The following CXADR variants were observed in gnomAD, a reference collection of about 807,000 sequenced individuals.
CXADR encodes coxsackievirus and adenovirus receptor.
Under a neutral mutation model 40.3 loss-of-function variants are expected in CXADR, and 20 were observed. The observed-to-expected ratio is 0.50, with a 90% confidence interval of 0.35 to 0.72. The LOEUF is 0.72. Among genes scored for constraint, CXADR ranks in the 30% least tolerant of loss-of-function variants. The pLI, the probability that CXADR is intolerant of heterozygous loss-of-function variation, is 0.01. For missense variants in CXADR, 332 were observed against 449.1 expected (o/e 0.74, Z 2.36); for synonymous variants, 150 against 161.3 (o/e 0.93, Z 0.53).
chr21:17,592,700 C>CT (rs1429908557), intron 7 of CXADR, among the ~76,000 whole-genome samples: 3 of 151,348 alleles, frequency 2.0e-5, no homozygotes, highest in Non-Finnish European at 4.4e-5. Context: ...CCTTGTGACA[C>CT]TAATAAACAA....
downstream of CXADR, chr21:17,594,339 G>A (rs755502179): frequency 1.2e-6 from 2 of 1,610,226 alleles, no homozygotes; most frequent in Non-Finnish European, 8.5e-7. Context: ...AAATCTGTAG[G>A]GAAGAGAACA....
chr21:17,629,485 A>G, the CXADR span, among the ~76,000 whole-genome samples: 1 of 152,032 alleles, frequency 6.6e-6, no homozygotes, highest in Non-Finnish European at 1.5e-5. Context: ...GGATTACCTG[A>G]GTCCAGGAGG....
intron 1 of CXADR, among the ~76,000 whole-genome samples, chr21:17,525,797 A>T (rs528958824): frequency 3.9e-5 from 6 of 152,332 alleles, no homozygotes; most frequent in African/African-American, 1.4e-4. Flanking sequence ...GATAGAAAGG[A>T]CACATCATAT....
intron 1 of CXADR, among the ~76,000 whole-genome samples, chr21:17,539,440 C>T (rs1027288834): frequency 2.0e-5 from 3 of 152,176 alleles, no homozygotes; most frequent in Non-Finnish European, 4.4e-5. Context: ...TTTCTTGTCT[C>T]ATATCCTCAT....
At chr21:17,549,420 C>A (rs2824346) in intron 2 of CXADR, among the ~76,000 whole-genome samples, 7,827 of 152,246 alleles carry the variant, frequency 0.051, 653 homozygotes, top group African/African-American at 0.18. Flanking sequence ...TGTATTCACA[C>A]GCATTCTGTA....
intron 7 of CXADR, among the ~76,000 whole-genome samples, chr21:17,583,610 C>T (rs201991638): frequency 0.012 from 4 of 344 alleles, no homozygotes; most frequent in Non-Finnish European, 0.02. Flanking sequence ...GACACACACT[C>T]GAAATCCACT....
chr21:17,514,396 A>G (rs1214475625), intron 1 of CXADR, among the ~76,000 whole-genome samples: 1 of 152,028 alleles, frequency 6.6e-6, no homozygotes, highest in African/African-American at 2.4e-5. Flanking sequence ...CCTTTTTGAT[A>G]TATATCATTT....
intron 1 of CXADR, among the ~76,000 whole-genome samples, chr21:17,546,735 T>C (rs1476223806): frequency 6.6e-6 from 1 of 152,212 alleles, no homozygotes; most frequent in Non-Finnish European, 1.5e-5. Flanking sequence ...GTTTTAAACA[T>C]CTGCTTGCAT....
chr21:17,587,770 G>T (rs2123398102), intron 7 of CXADR, among the ~76,000 whole-genome samples: 1 of 152,092 alleles, frequency 6.6e-6, no homozygotes, highest in African/African-American at 2.4e-5. Flanking sequence ...TTTGGCTTTT[G>T]TTGCCATTGC....
In CXADR at chr21:17,566,690, C is replaced by T; in HGVS notation, c.*998C>T. ...TTGTTGTTGTTTTTGGATGGTGTTA[C>T]ATATTATATGTTCTAGAAACATGTA... is the stretch of plus-strand genomic sequence containing the variant. On this transcript the variant is annotated 3_prime_UTR_variant, in exon 7 of 7. Coordinates refer to ENST00000284878, the MANE Select transcript of CXADR (RefSeq NM_001338.5). The T allele has an allele frequency of 1.0e-6, 1 of 982,202 alleles. No homozygotes were observed. 60.8% of individuals were successfully genotyped at this position (982,202 alleles called of 1,614,324 possible).
chr21:17,517,973 C>T (rs2060481993), intron 1 of CXADR, among the ~76,000 whole-genome samples: 1 of 152,134 alleles, frequency 6.6e-6, no homozygotes, highest in African/African-American at 2.4e-5. Flanking sequence ...GGCAAAATAC[C>T]TCAAGACATT....
chr21:17,568,613 A>G lies in CXADR; in HGVS notation c.*2921A>G, dbSNP rs897979525. On this transcript the variant is annotated 3_prime_UTR_variant, in exon 7 of 7. Transcript: ENST00000284878. ...TCACTATTGCTCAGGCTGGTCTCAA[A>G]CTGCTGGGCTCAGGAGATCCTCCTG... 3 of 980,870 alleles carry G rather than the reference A, an allele frequency of 3.1e-6. No individual in the cohort carries two copies. The African/African-American group carries it at 5.3e-5, about 17-fold the overall frequency. The allele number at this position is 980,870 out of a possible 1,614,324, so 60.8% of individuals were successfully genotyped here. A position where few individuals can be genotyped will look rare whatever the true frequency, so the allele number is the denominator to read the frequency against.
chr21:17,557,573 C>T (rs1030361250), intron 3 of CXADR, among the ~76,000 whole-genome samples: 2 of 152,142 alleles, frequency 1.3e-5, no homozygotes, highest in Non-Finnish European at 2.9e-5. Context: ...TGACAGTAGC[C>T]CCAAACTGGA....
rs1239876385 is a variant in CXADR, at chr21:17,566,564, T to C, written c.*872T>C. 4 of 983,430 alleles carry C rather than the reference T, an allele frequency of 4.1e-6. No individual in the cohort carries two copies. Among genetic ancestry groups the C allele is most frequent in the Non-Finnish European group, 4.8e-6 (4 of 828,140 alleles). 60.9% of individuals were successfully genotyped at this position (983,430 alleles called of 1,614,324 possible). A position where few individuals can be genotyped will look rare whatever the true frequency, so the allele number is the denominator to read the frequency against. On this transcript the variant is annotated 3_prime_UTR_variant, in exon 7 of 7. Transcript: ENST00000284878. ...TAGTTCCCAGGTGATATTTTTCTTATTAGAAAAATATTATAACTCATTTGT... is the reference window on the plus strand; with the variant it reads ...TAGTTCCCAGGTGATATTTTTCTTACTAGAAAAATATTATAACTCATTTGT...
intron 6 of CXADR, among the ~76,000 whole-genome samples, chr21:17,563,798 G>C (rs946807888): frequency 6.6e-6 from 1 of 151,132 alleles, no homozygotes; most frequent in African/African-American, 2.4e-5. Flanking sequence ...AAAATTAGCC[G>C]GGTGCAGTGG....
At position 17,567,486 on chromosome 21, in the gene CXADR, G is replaced by A. The variant is rs1003941131; in HGVS notation, c.*1794G>A. On this transcript the variant is annotated 3_prime_UTR_variant, in exon 7 of 7. Coordinates refer to ENST00000284878, the MANE Select transcript of CXADR (RefSeq NM_001338.5). ...CTATCACCTACCTGAAAGGTGCTTA[G>A]AGGTGAAGGTACTGTTTCTAAAAAC... is the stretch of plus-strand genomic sequence containing the variant. The A allele has an allele frequency of 5.6e-5, 55 of 985,244 alleles. No individual in the cohort carries two copies. Among genetic ancestry groups the A allele is most frequent in the Non-Finnish European group, 6.0e-5 (50 of 829,888 alleles). The allele number at this position is 985,244 out of a possible 1,614,324, so 61.0% of individuals were successfully genotyped here.
chr21:17,528,513 C>G (rs2060628090), intron 1 of CXADR, among the ~76,000 whole-genome samples: 2 of 152,012 alleles, frequency 1.3e-5, no homozygotes, highest in African/African-American at 4.8e-5. Flanking sequence ...TCAAGCGATT[C>G]TCCTACCTCA....
chr21:17,615,944 G>A, the CXADR span, among the ~76,000 whole-genome samples: 1 of 152,152 alleles, frequency 6.6e-6, no homozygotes, highest in East Asian at 1.9e-4. Flanking sequence ...GAACTCAAGA[G>A]TTCAGCATTA....
At chr21:17,559,173 G>T in intron 4 of CXADR, 42 bp downstream of exon 4, 2 of 1,602,456 alleles carry the variant, frequency 1.2e-6, no homozygotes, top group South Asian at 2.2e-5. Flanking sequence ...CCATTGATTT[G>T]GACTAAGATC....
Sources: allele counts gnomAD v4.1 joint callset (sites outside exome capture counted in the v4.1 genomes callset), GRCh38; gene constraint gnomAD v4.1.1; transcripts MANE v1.5; gene names NCBI Gene and HGNC (gene_info 2026-07-23, HGNC 2026-07-21).